ROBO3: variants seen among roughly 807,000 people sequenced by gnomAD.
ROBO3 encodes the protein roundabout homolog 3.
ROBO3 carries 97 observed loss-of-function variants against 160.5 expected under a neutral mutation model. The observed-to-expected ratio is 0.60, with a 90% CI of 0.51 to 0.72. The LOEUF (loss-of-function observed/expected upper bound fraction) is 0.72, where lower values mean the gene tolerates loss of function less well. Ranked by LOEUF, ROBO3 falls within the 30% of genes least tolerant of loss-of-function variation. The pLI, the probability that ROBO3 is intolerant of heterozygous loss-of-function variation, is 0.00. For synonymous variants in ROBO3, 780 were observed against 746.2 expected (o/e 1.05, Z -0.74); for missense variants, 1,858 against 1,846.5 (o/e 1.01, Z -0.11).
At chr11:124,867,938 G>T (rs546983384) in intron 1 of ROBO3, among the ~76,000 whole-genome samples, 17 of 152,310 alleles carry the variant, frequency 1.1e-4, no homozygotes, top group African/African-American at 1.7e-4. Context: ...GAGTGCCGGA[G>T]TATAACAGGC....
At position 124,873,916 on chromosome 11, in the gene ROBO3, T is replaced by A; in HGVS notation, c.1784+54T>A. ...GGAGAGTTAAAAGGAGGGGATCCTA[T>A]GCCCTTAGGGTCTTTGCTATTGTGA... On this transcript the variant is annotated intron_variant, in intron 11 of 27. Coordinates refer to ENST00000397801, the MANE Select transcript of ROBO3 (RefSeq NM_022370.4). This position sits in a 1 kb window ranked among gnomAD's most constrained non-coding sequence, Gnocchi z 4.5. The A allele has an allele frequency of 8.7e-6, 14 of 1,605,932 alleles. No individual in the cohort carries two copies. The South Asian group carries it at 1.5e-4, about 18-fold the overall frequency.
At position 124,869,429 on chromosome 11, in the gene ROBO3, G is replaced by GCCGCCCCCCC; in HGVS notation, c.488-19_488-18insGCCCCCCCCC. 2.3e-6 allele frequency: 3 copies of GCCGCCCCCCC among 1,295,764 alleles called. No individual in the cohort carries two copies. The highest frequency in any genetic ancestry group is 1.1e-6 in the Non-Finnish European group (1 of 929,942). The allele number at this position is 1,295,764 out of a possible 1,614,324, so 80.3% of individuals were successfully genotyped here. On this transcript the variant is annotated intron_variant, in intron 2 of 27. Coordinates refer to ENST00000397801, the MANE Select transcript of ROBO3 (RefSeq NM_022370.4). The surrounding 1 kb of genome is among the most constrained non-coding windows in gnomAD (Gnocchi z 4.2). ...TGTCACTCTACACCCTGCTTATTTC[G>GCCGCCCCCCC]CCCCCCACCGCCCCGCCCAGTCCTC...
At position 124,874,248 on chromosome 11, in the gene ROBO3, G is replaced by T. The variant is rs1230656695; in HGVS notation, c.1951+12G>T. 6.2e-7 allele frequency: 1 copy of T among 1,603,892 alleles called. No individual in the cohort carries two copies. Among genetic ancestry groups the T allele is most frequent in the South Asian group, 1.1e-5 (1 of 90,536 alleles). On this transcript the variant is annotated intron_variant, in intron 12 of 27. Transcript: ENST00000397801. ...TGTCCGTACACAGGGTAAGGTCAGA[G>T]TCCCTGGGCTCATGAGCATGAAATG... is the stretch of plus-strand genomic sequence containing the variant.
chr11:124,874,959 C>T, intron 13 of ROBO3, 50 bp downstream of exon 13: 2 of 1,578,972 alleles, frequency 1.3e-6, no homozygotes, highest in South Asian at 1.2e-5. Context: ...TTATGAGGCA[C>T]ATGAGGGCCT....
In ROBO3 at chr11:124,873,669, T is replaced by A; in HGVS notation, c.1619-28T>A. The A allele has an allele frequency of 6.3e-7, 1 of 1,584,228 alleles. No homozygotes were observed. Among genetic ancestry groups the A allele is most frequent in the Non-Finnish European group, 8.6e-7 (1 of 1,164,134 alleles). On this transcript the variant is annotated intron_variant, in intron 10 of 27. Coordinates refer to ENST00000397801, the MANE Select transcript of ROBO3 (RefSeq NM_022370.4). The surrounding 1 kb of genome is among the most constrained non-coding windows in gnomAD (Gnocchi z 4.5). ...ACTAGGATTATCCTTTCCCTATCTT[T>A]CTACTTAAAGATTATCTCCCACTGC...
At position 124,877,601 on chromosome 11, in the gene ROBO3, G is replaced by T; in HGVS notation, c.2929G>T (p.Glu977Ter). 1.2e-6 allele frequency: 2 copies of T among 1,609,000 alleles called. No homozygotes were observed. The highest frequency in any genetic ancestry group is 1.7e-5 in the Admixed American group (1 of 59,362). The change falls in exon 20 of 28, where the codon GAA (glutamate) becomes TAA (stop). Residue 977 changes from glutamate to a stop codon, truncating the protein, a stop_gained. Coordinates refer to ENST00000397801, the MANE Select transcript of ROBO3 (RefSeq NM_022370.4). LOFTEE classifies it high-confidence loss of function. Reference protein sequence around the residue: ...PHPSRSPSAQEPRGSCCPSNP... With the variant: ...PHPSRSPSAQ ...CCCATCTCGAAGCCCCTCGGCCCAG[G>T]AACCCAGGGGAAGCTGCTGCCCTAG... is the stretch of plus-strand genomic sequence containing the variant.
At position 124,874,215 on chromosome 11, in the gene ROBO3, T is replaced by G; in HGVS notation, c.1930T>G (p.Ser644Ala). Residue 644 changes from serine to alanine, a missense_variant, in exon 12 of 28, where the codon TCT becomes GCT. Physicochemically the swap from Ser to Ala is moderately conservative, Grantham distance 99. Coordinates refer to ENST00000397801, the MANE Select transcript of ROBO3 (RefSeq NM_022370.4). ...AWGLSEPSPV[S>A]EPVRTQDSSP... ...GGGCCTCAGTGAGCCCAGCCCCGTC[T>G]CTGAGCCTGTCCGTACACAGGGTAA... The G allele has an allele frequency of 4.3e-6, 7 of 1,613,896 alleles. No individual in the cohort carries two copies. Among genetic ancestry groups the G allele is most frequent in the Non-Finnish European group, 5.9e-6 (7 of 1,179,830 alleles).
Position 124,869,914 on chromosome 11 carries a change from G to T in ROBO3, c.646-34G>T. 6.4e-7 allele frequency: 1 copy of T among 1,565,768 alleles called. No homozygotes were observed. Among genetic ancestry groups the T allele is most frequent in the Non-Finnish European group, 8.7e-7 (1 of 1,155,262 alleles). On this transcript the variant is annotated intron_variant, in intron 3 of 27. Coordinates refer to ENST00000397801, the MANE Select transcript of ROBO3 (RefSeq NM_022370.4). The surrounding 1 kb of genome is among the most constrained non-coding windows in gnomAD (Gnocchi z 4.2). ...CATATATATATACGCTGTGATAGCT[G>T]AAATGGACCAAAGTTACCATTATTG...
chr11:124,875,894 T>C (rs1388993881), intron 15 of ROBO3, 60 bp from the exon 16 acceptor site: 7 of 1,550,226 alleles, frequency 4.5e-6, no homozygotes, highest in South Asian at 1.2e-5. Flanking sequence ...GAGCCTTAAG[T>C]TTCCCGGTGA....
rs1408992180 is a variant in ROBO3, at chr11:124,869,432, C to A, written c.488-18C>A. The A allele has an allele frequency of 3.1e-6, 4 of 1,289,322 alleles. No individual in the cohort carries two copies. Among genetic ancestry groups the A allele is most frequent in the Non-Finnish European group, 2.2e-6 (2 of 911,650 alleles). 79.9% of individuals were successfully genotyped at this position (1,289,322 alleles called of 1,614,324 possible). A position where few individuals can be genotyped will look rare whatever the true frequency, so the allele number is the denominator to read the frequency against. On this transcript the variant is annotated intron_variant, in intron 2 of 27. Coordinates refer to ENST00000397801, the MANE Select transcript of ROBO3 (RefSeq NM_022370.4). This position sits in a 1 kb window ranked among gnomAD's most constrained non-coding sequence, Gnocchi z 4.2. ...CACTCTACACCCTGCTTATTTCGCC[C>A]CCCACCGCCCCGCCCAGTCCTCCGT...
rs771915066 is a variant in ROBO3 at position 124,878,179 on chromosome 11, C to G, written c.3181+48C>G. The stretch of plus-strand genomic sequence containing the variant: ...CCCGTTTAGCCCTGACCAGGGTATC[C>G]CCAAAGAGGATCCTCCTCCCTGACC... On this transcript the variant is annotated intron_variant, in intron 21 of 27. Transcript: ENST00000397801. This position sits in a 1 kb window ranked among gnomAD's most constrained non-coding sequence, Gnocchi z 4.3. The G allele has an allele frequency of 9.6e-6, 15 of 1,569,406 alleles. No individual in the cohort carries two copies. Among genetic ancestry groups the G allele is most frequent in the Non-Finnish European group, 1.2e-5 (14 of 1,153,770 alleles).
In ROBO3 at chr11:124,880,562, G is replaced by A; in HGVS notation, c.4103G>A (p.Ser1368Asn). The A allele has an allele frequency of 6.4e-7, 1 of 1,551,554 alleles. No individual in the cohort carries two copies. Reference protein sequence around the residue: ...SRGPGRSRSRSQSRSQSQRPG... With the variant: ...SRGPGRSRSRNQSRSQSQRPG... ...GGCCCTGGCCGGAGCCGGAGTCGGA[G>A]TCAGAGCCGGAGCCAGAGCCAAAGG... The change falls in exon 27 of 28, where the codon AGT becomes AAT. Residue 1368 changes from serine to asparagine, a missense_variant. Ser to Asn is a conservative substitution (Grantham distance 46). Coordinates refer to ENST00000397801, the MANE Select transcript of ROBO3 (RefSeq NM_022370.4).
intron 25 of ROBO3, 62 bp from the exon 26 acceptor site, chr11:124,879,725 G>A (rs1946514733): frequency 6.2e-7 from 1 of 1,603,668 alleles, no homozygotes; most frequent in African/African-American, 1.3e-5. Flanking sequence ...GGGAATGCAG[G>A]TGAGAGAAAG....
chr11:124,868,186 G>T (rs1482357838), intron 1 of ROBO3, among the ~76,000 whole-genome samples: 2 of 152,164 alleles, frequency 1.3e-5, no homozygotes, highest in Non-Finnish European at 2.9e-5. Context: ...GAAATGAAGC[G>T]TGATTATCCG....
At position 124,873,910 on chromosome 11, in the gene ROBO3, A is replaced by G; in HGVS notation, c.1784+48A>G. ...AAACCTGGAGAGTTAAAAGGAGGGG[A>G]TCCTATGCCCTTAGGGTCTTTGCTA... On this transcript the variant is annotated intron_variant, in intron 11 of 27. Transcript: ENST00000397801. This position sits in a 1 kb window ranked among gnomAD's most constrained non-coding sequence, Gnocchi z 4.5. 1 of 1,607,552 alleles carries G rather than the reference A, an allele frequency of 6.2e-7. No homozygotes were observed. The highest frequency in any genetic ancestry group is 2.2e-5 in the East Asian group (1 of 44,808).
chr11:124,869,429 G>GCGCCCCCCCCCCCCCCCCCCC lies in ROBO3; in HGVS notation c.488-20_488-19insGCCCCCCCCCCCCCCCCCCCC. 1 of 1,295,764 alleles carries GCGCCCCCCCCCCCCCCCCCCC rather than the reference G, an allele frequency of 7.7e-7. No individual in the cohort carries two copies. The highest frequency in any genetic ancestry group is 1.1e-6 in the Non-Finnish European group (1 of 929,942). 80.3% of individuals were successfully genotyped at this position (1,295,764 alleles called of 1,614,324 possible). On this transcript the variant is annotated intron_variant, in intron 2 of 27. Transcript: ENST00000397801. This position sits in a 1 kb window ranked among gnomAD's most constrained non-coding sequence, Gnocchi z 4.2. ...TGTCACTCTACACCCTGCTTATTTC[G>GCGCCCCCCCCCCCCCCCCCCC]CCCCCCACCGCCCCGCCCAGTCCTC...
intron 12 of ROBO3, 88 bp from the exon 13 acceptor site, chr11:124,874,700 A>G (rs1946326985): frequency 1.4e-6 from 2 of 1,445,124 alleles, no homozygotes; most frequent in Admixed American, 4.6e-5. Flanking sequence ...TACTAAGTGG[A>G]GCAGGGCAGA....
chr11:124,878,272 G>A lies in ROBO3; in HGVS notation c.3182-26G>A, dbSNP rs369162187. On this transcript the variant is annotated intron_variant, in intron 21 of 27. Coordinates refer to ENST00000397801, the MANE Select transcript of ROBO3 (RefSeq NM_022370.4). This position sits in a 1 kb window ranked among gnomAD's most constrained non-coding sequence, Gnocchi z 4.3. ...TCTGGCTCTTTCCTGCCTGTTCTCC[G>A]GGTGTCCCCATCCTATTCTCCTCAG... 4.7e-4 allele frequency: 751 copies of A among 1,609,454 alleles called. 1 individual carries two copies. Among genetic ancestry groups the A allele is most frequent in the Non-Finnish European group, 5.8e-4 (683 of 1,177,674 alleles).
chr11:124,873,337 G>T lies in ROBO3; in HGVS notation c.1564G>T (p.Val522Leu), dbSNP rs183815001. ...GATGGACATGGGCTTCTACAGCTGC[G>T]TGGCCAAGAGTTCCACAGGGGAAGC... ...QEMDMGFYSC[V>L]AKSSTGEATW... is the part of the protein sequence containing the mutation. Residue 522 changes from valine to leucine, a missense_variant, in exon 10 of 28, where the codon GTG (valine) becomes TTG (leucine). Physicochemically the swap from Val to Leu is conservative, Grantham distance 32 (BLOSUM62 1). Coordinates refer to ENST00000397801, the MANE Select transcript of ROBO3 (RefSeq NM_022370.4). The surrounding 1 kb of genome is among the most constrained non-coding windows in gnomAD (Gnocchi z 4.5). 10 of 1,611,728 alleles carry T rather than the reference G, an allele frequency of 6.2e-6. No homozygotes were observed. The highest frequency in any genetic ancestry group is 8.5e-6 in the Non-Finnish European group (10 of 1,179,174).
Sources: allele counts gnomAD v4.1 joint callset (sites outside exome capture counted in the v4.1 genomes callset), GRCh38; gene constraint gnomAD v4.1.1; non-coding constraint Gnocchi (gnomAD v3.1); transcripts MANE v1.5; gene names NCBI Gene and HGNC (gene_info 2026-07-23, HGNC 2026-07-21).